DPYSL2: variants seen among roughly 807,000 people sequenced by gnomAD.
DPYSL2 encodes the protein dihydropyrimidinase like 2, also known as dihydropyrimidinase-related protein 2.
A neutral mutation model predicts 69.9 loss-of-function variants in DPYSL2; 13 were observed. The observed-to-expected ratio is 0.19, with a 90% CI of 0.12 to 0.30. DPYSL2 has a LOEUF of 0.30. DPYSL2 is among the 10% of genes least tolerant of loss of function. DPYSL2 has a pLI of 1.00. For missense variants in DPYSL2, 587 were observed against 918.9 expected (o/e 0.64, Z 4.67); for synonymous variants, 326 against 359.1 (o/e 0.91, Z 1.04).
intron 1 of DPYSL2, among the ~76,000 whole-genome samples, chr8:26,524,629 C>G (rs745759597): frequency 1.2e-4 from 18 of 151,736 alleles, no homozygotes; most frequent in Non-Finnish European, 2.5e-4. Flanking sequence ...AAAATCCCGT[C>G]TCTACTAAAC....
At chr8:26,573,870 AG>A (rs1476059439) in intron 1 of DPYSL2, among the ~76,000 whole-genome samples, 1 of 141,834 alleles carries the variant, frequency 7.1e-6, no homozygotes, top group Non-Finnish European at 1.5e-5. Context: ...GATAGTCCTA[AG>A]GGAAAGGCTT....
chr8:26,570,573 C>T (rs542917995), intron 1 of DPYSL2, among the ~76,000 whole-genome samples: 3 of 152,028 alleles, frequency 2.0e-5, no homozygotes, highest in South Asian at 4.2e-4. Flanking sequence ...CCCATCTCTA[C>T]TAAAAATACA....
At chr8:26,603,359 G>C (rs1035550428) in intron 3 of DPYSL2, among the ~76,000 whole-genome samples, 2 of 152,122 alleles carry the variant, frequency 1.3e-5, no homozygotes, top group African/African-American at 4.8e-5. Flanking sequence ...TTTTAGTAGA[G>C]ACGGGGTTTC....
chr8:26,622,444 T>C (rs1391065749), intron 3 of DPYSL2, among the ~76,000 whole-genome samples: 9 of 148,306 alleles, frequency 6.1e-5, no homozygotes, highest in Non-Finnish European at 1.0e-4. Context: ...GATGGCCATA[T>C]TGTATGTGTG....
At chr8:26,603,339 A>AT (rs1802036016) in intron 3 of DPYSL2, among the ~76,000 whole-genome samples, 2 of 151,968 alleles carry the variant, frequency 1.3e-5, no homozygotes, top group South Asian at 4.2e-4. Flanking sequence ...CACCCGGCTA[A>AT]TTTTTGTATT....
rs1048868135 is a variant in DPYSL2 at position 26,644,394 on chromosome 8, A to C, written c.1425+303A>C. ...CAATCATAGCTCACTGTAGCCTCAA[A>C]CTCCTGGGCTCAGGTGATCCTCCCA... On this transcript the variant is annotated intron_variant, in intron 10 of 13. Coordinates refer to ENST00000521913, the MANE Select transcript of DPYSL2 (RefSeq NM_001197293.3). This position sits in a 1 kb window ranked among gnomAD's most constrained non-coding sequence, Gnocchi z 4.5. Among the ~76,000 whole-genome samples the C allele has an allele frequency of 1.3e-5, 2 of 151,950 alleles. No homozygotes were observed. The highest frequency in any genetic ancestry group is 2.9e-5 in the Non-Finnish European group (2 of 67,986).
chr8:26,536,011 T>A (rs1800587317), intron 1 of DPYSL2, among the ~76,000 whole-genome samples: 2 of 150,786 alleles, frequency 1.3e-5, no homozygotes, highest in South Asian at 4.2e-4. Flanking sequence ...AGCCCCAACT[T>A]CCCAGGCTCA....
At chr8:26,569,365 C>CAA (rs1261164777) in intron 1 of DPYSL2, among the ~76,000 whole-genome samples, 4 of 88,794 alleles carry the variant, frequency 4.5e-5, no homozygotes, top group Admixed American at 2.3e-4. Flanking sequence ...AAAAAAAAAA[C>CAA]AAAAACAAAA....
chr8:26,576,720 T>G (rs1331194050), intron 1 of DPYSL2, among the ~76,000 whole-genome samples: 1 of 152,210 alleles, frequency 6.6e-6, no homozygotes, highest in Non-Finnish European at 1.5e-5. Context: ...ATTCAGTAGG[T>G]TTTCCCCAAG....
rs192123077 is a variant in DPYSL2 at position 26,539,882 on chromosome 8, T to C, written c.354+25203T>C. On this transcript the variant is annotated intron_variant, in intron 1 of 13. Transcript: ENST00000521913. Reference sequence around the variant, plus strand: ...GGTCTTTCCCCACTGAAGCCAGTCTTAAGTCTGGAAGAAGTGACTGTTTCC... The same window carrying C: ...GGTCTTTCCCCACTGAAGCCAGTCTCAAGTCTGGAAGAAGTGACTGTTTCC... Among the ~76,000 whole-genome samples, 5 of 152,024 alleles carry C rather than the reference T, an allele frequency of 3.3e-5. No individual in the cohort carries two copies. The East Asian group carries it at 9.7e-4, about 29-fold the overall frequency.
Position 26,641,663 on chromosome 8 carries a change from G to A in DPYSL2, c.1127-1776G>A, listed in dbSNP as rs1049533724. ...ACTTTGAGCAGGCCAGGAGCCAAGG[G>A]GACCCTCCTAGGCCTTCCGAGCACC... On this transcript the variant is annotated intron_variant, in intron 8 of 13. Coordinates refer to ENST00000521913, the MANE Select transcript of DPYSL2 (RefSeq NM_001197293.3). The surrounding 1 kb of genome is among the most constrained non-coding windows in gnomAD (Gnocchi z 4.1). Among the ~76,000 whole-genome samples, 4 of 152,210 alleles carry A rather than the reference G, an allele frequency of 2.6e-5. No individual in the cohort carries two copies. Among genetic ancestry groups the A allele is most frequent in the African/African-American group, 9.6e-5 (4 of 41,468 alleles).
chr8:26,532,488 C>T (rs1045502810), intron 1 of DPYSL2, among the ~76,000 whole-genome samples: 2 of 152,204 alleles, frequency 1.3e-5, no homozygotes, highest in African/African-American at 4.8e-5. Flanking sequence ...AGAACATTTG[C>T]ATCATCCCCA....
chr8:26,601,432 C>T (rs1183938631), intron 3 of DPYSL2, among the ~76,000 whole-genome samples: 2 of 151,558 alleles, frequency 1.3e-5, no homozygotes, highest in Admixed American at 6.6e-5. Context: ...GGCTGGAGTG[C>T]GGTGGCGCCA....
chr8:26,612,231 C>T (rs1802246426), intron 3 of DPYSL2, among the ~76,000 whole-genome samples: 1 of 152,158 alleles, frequency 6.6e-6, no homozygotes, highest in Admixed American at 6.5e-5. Context: ...GGGTGACATC[C>T]TGATGCATTG....
chr8:26,653,277 G>A lies in DPYSL2; in HGVS notation c.1822G>A (p.Val608Met), dbSNP rs781441381. 3 of 1,613,794 alleles carry A rather than the reference G, an allele frequency of 1.9e-6. No homozygotes were observed. The highest frequency in any genetic ancestry group is 1.1e-5 in the South Asian group (1 of 91,082). Reference protein sequence around the residue: ...GVPRGLYDGPVCEVSVTPKTV... With the variant: ...GVPRGLYDGPMCEVSVTPKTV... ...TCCTCGTGGCCTGTATGACGGACCTGTGTGTGAAGTGTCTGTGACGCCCAA... is the reference window on the plus strand; with the variant it reads ...TCCTCGTGGCCTGTATGACGGACCTATGTGTGAAGTGTCTGTGACGCCCAA... Residue 608 changes from valine (V) to methionine (M), a missense_variant, in exon 13 of 14, where the codon GTG becomes ATG. Coordinates refer to ENST00000521913, the MANE Select transcript of DPYSL2 (RefSeq NM_001197293.3). This position sits in a 1 kb window ranked among gnomAD's most constrained non-coding sequence, Gnocchi z 5.7.
chr8:26,605,671 A>G lies in DPYSL2; in HGVS notation c.629-18472A>G, dbSNP rs902315542. On this transcript the variant is annotated intron_variant, in intron 3 of 13. Coordinates refer to ENST00000521913, the MANE Select transcript of DPYSL2 (RefSeq NM_001197293.3). This position sits in a 1 kb window ranked among gnomAD's most constrained non-coding sequence, Gnocchi z 4.1. ...CTTAAAAATAATGTATTAAAAATTA[A>G]TAGCTTCCCTGTATGTCATAAATAA... is the stretch of plus-strand genomic sequence containing the variant. Among the ~76,000 whole-genome samples, 3 of 152,238 alleles carry G rather than the reference A, an allele frequency of 2.0e-5. No homozygotes were observed. The highest frequency in any genetic ancestry group is 4.4e-5 in the Non-Finnish European group (3 of 68,044).
chr8:26,529,284 T>TATCTATCTATCTATCTATC (rs1245788326), intron 1 of DPYSL2, among the ~76,000 whole-genome samples: 6 of 77,352 alleles, frequency 7.8e-5, no homozygotes, highest in South Asian at 3.7e-4. Context: ...ATCATCTATC[T>TATCTATCTATCTATCTATC]ATCTATCTAT....
chr8:26,633,139 GAA>G (rs1230188517), intron 7 of DPYSL2, among the ~76,000 whole-genome samples: 3 of 152,214 alleles, frequency 2.0e-5, no homozygotes, highest in Admixed American at 2.0e-4. Flanking sequence ...AACATAAAAT[GAA>G]ATCATTTATA....
intron 1 of DPYSL2, among the ~76,000 whole-genome samples, chr8:26,567,778 G>T (rs1801175596): frequency 6.6e-6 from 1 of 152,240 alleles, no homozygotes; most frequent in Non-Finnish European, 1.5e-5. Flanking sequence ...GGAATGCGAA[G>T]ATGGTGCCCC....
Sources: allele counts gnomAD v4.1 joint callset (sites outside exome capture counted in the v4.1 genomes callset), GRCh38; gene constraint gnomAD v4.1.1; non-coding constraint Gnocchi (gnomAD v3.1); transcripts MANE v1.5; gene names NCBI Gene and HGNC (gene_info 2026-07-23, HGNC 2026-07-21).